The following CTNND2 variants were observed in gnomAD, a reference collection of about 807,000 sequenced individuals.
The protein encoded by CTNND2 is catenin delta-2.
A neutral mutation model predicts 144.4 loss-of-function variants in CTNND2; 22 were observed. That is an observed-to-expected ratio of 0.15 (90% confidence interval 0.11 to 0.22). CTNND2 has a LOEUF of 0.22. CTNND2 is among the 10% of genes least tolerant of loss of function. The pLI is 1.00. For missense variants in CTNND2, 1,353 were observed against 1,618.8 expected (o/e 0.84, Z 2.82); for synonymous variants, 751 against 695.6 (o/e 1.08, Z -1.25).
chr5:11,476,831 T>C (rs372605334), intron 3 of CTNND2, among the ~76,000 whole-genome samples: 13 of 152,210 alleles, frequency 8.5e-5, no homozygotes, highest in Admixed American at 5.2e-4. Flanking sequence ...GAAATCATGG[T>C]TGTGGGATTA....
intron 16 of CTNND2, among the ~76,000 whole-genome samples, chr5:11,069,661 G>C (rs1300082335): frequency 2.5e-5 from 1 of 40,144 alleles, no homozygotes; most frequent in Non-Finnish European, 5.0e-5. Flanking sequence ...GAGAGAGAGA[G>C]AGACAGACAG....
chr5:11,601,295 T>C (rs986060253), intron 2 of CTNND2, among the ~76,000 whole-genome samples: 2 of 152,210 alleles, frequency 1.3e-5, no homozygotes, highest in Admixed American at 1.3e-4. Flanking sequence ...TATGACCTAA[T>C]TGGAATGATC....
intron 3 of CTNND2, among the ~76,000 whole-genome samples, chr5:11,524,633 C>T (rs1268008639): frequency 1.3e-5 from 2 of 152,178 alleles, no homozygotes; most frequent in Non-Finnish European, 2.9e-5. Context: ...AGATAAGCTT[C>T]TGTCTGTTCC....
chr5:11,255,341 A>G lies in CTNND2; in HGVS notation c.1629-18518T>C, dbSNP rs908533358. On this transcript the variant is annotated intron_variant, in intron 9 of 21. Transcript: ENST00000304623. Reference sequence around the variant, plus strand: ...GGGCCTCCAGCTGTCTCTACACATCATTTCTGGAGAGCAGACTTTGCGCTG... The same window carrying G: ...GGGCCTCCAGCTGTCTCTACACATCGTTTCTGGAGAGCAGACTTTGCGCTG... Among the ~76,000 whole-genome samples the G allele has an allele frequency of 5.3e-5, 8 of 152,134 alleles. 1 individual carries two copies. Among genetic ancestry groups the G allele is most frequent in the African/African-American group, 1.9e-4 (8 of 41,428 alleles).
At chr5:11,146,571 G>T (rs146175390) in intron 12 of CTNND2, among the ~76,000 whole-genome samples, 1 of 152,292 alleles carries the variant, frequency 6.6e-6, no homozygotes, top group Non-Finnish European at 1.5e-5. Flanking sequence ...ATGATTAGAG[G>T]TATTAAAGAG....
In CTNND2 at chr5:11,769,995, T is replaced by A. The variant is rs115060405; in HGVS notation, c.38-37723A>T. On this transcript the variant is annotated intron_variant, in intron 1 of 21. Coordinates refer to ENST00000304623, the MANE Select transcript of CTNND2 (RefSeq NM_001332.4). ...TTTCTGTATATTTTCAGAAGTATAT[T>A]CTGGAAGAATTCAGGGGGAAAGTAT... Among the ~76,000 whole-genome samples, 602 of 152,314 alleles carry A rather than the reference T, an allele frequency of 4.0e-3. 4 individuals carry two copies. Among genetic ancestry groups the A allele is most frequent in the African/African-American group, 0.013 (560 of 41,570 alleles).
At chr5:11,806,856 T>C (rs1792032869) in intron 1 of CTNND2, among the ~76,000 whole-genome samples, 1 of 152,134 alleles carries the variant, frequency 6.6e-6, no homozygotes, top group African/African-American at 2.4e-5. Flanking sequence ...CTTGCTCCCA[T>C]AATTCCACTT....
At chr5:11,490,184 A>AT (rs1485394529) in intron 3 of CTNND2, among the ~76,000 whole-genome samples, 1 of 152,292 alleles carries the variant, frequency 6.6e-6, no homozygotes, top group African/African-American at 2.4e-5. Context: ...AGTCAATGAG[A>AT]TTTTTTAAAA....
intron 3 of CTNND2, among the ~76,000 whole-genome samples, chr5:11,501,166 A>G (rs1770488756): frequency 6.6e-6 from 1 of 152,264 alleles, no homozygotes; most frequent in Non-Finnish European, 1.5e-5. Context: ...ATATGGTTAC[A>G]AACACAGCTA....
intron 9 of CTNND2, among the ~76,000 whole-genome samples, chr5:11,289,057 C>T: frequency 6.6e-6 from 1 of 152,148 alleles, no homozygotes; most frequent in East Asian, 1.9e-4. Flanking sequence ...ATGTGGCCAT[C>T]TCCCTGTAAG....
At chr5:11,278,172 G>A (rs557515454) in intron 9 of CTNND2, among the ~76,000 whole-genome samples, 11 of 152,150 alleles carry the variant, frequency 7.2e-5, no homozygotes, top group East Asian at 3.9e-4. Context: ...CAAGGGACGC[G>A]CCAATCCAAT....
intron 3 of CTNND2, among the ~76,000 whole-genome samples, chr5:11,534,039 C>A (rs1773993449): frequency 6.6e-6 from 1 of 152,176 alleles, no homozygotes; most frequent in South Asian, 2.1e-4. Flanking sequence ...GTTTGTACTT[C>A]CCCTCACCAA....
chr5:11,126,020 G>A (rs555101649), intron 12 of CTNND2, among the ~76,000 whole-genome samples: 4 of 152,234 alleles, frequency 2.6e-5, no homozygotes, highest in Middle Eastern at 3.4e-3. Context: ...TAAATAGATC[G>A]GCTGGGCACA....
intron 11 of CTNND2, among the ~76,000 whole-genome samples, chr5:11,189,648 A>G (rs558209554): frequency 1.3e-5 from 2 of 152,316 alleles, no homozygotes; most frequent in Admixed American, 1.3e-4. Context: ...TGTTACTGGT[A>G]AGGTGTCCAG....
At chr5:11,240,221 C>T (rs1742107565) in intron 9 of CTNND2, among the ~76,000 whole-genome samples, 1 of 130,360 alleles carries the variant, frequency 7.7e-6, no homozygotes, top group Non-Finnish European at 1.6e-5. Context: ...AACACACACA[C>T]CCAACACACA....
intron 5 of CTNND2, among the ~76,000 whole-genome samples, chr5:11,409,847 T>A (rs1414976644): frequency 6.6e-6 from 1 of 152,132 alleles, no homozygotes; most frequent in Non-Finnish European, 1.5e-5. Flanking sequence ...TTTGAACTTT[T>A]ATTCTTTTCA....
chr5:11,691,259 T>G lies in CTNND2; in HGVS notation c.174+40877A>C, dbSNP rs868468262. 6.5e-4 allele frequency among the ~76,000 whole-genome samples: 99 copies of G among 151,936 alleles called. 2 individuals are homozygous for G. In the Middle Eastern group the frequency reaches 0.014, roughly 21 times the overall value. ...GGTGGTGGGTGCCTGTAGTCCCAGT[T>G]ACTCGGGAGGCTGAGGCAGAAGAAT... is the stretch of plus-strand genomic sequence containing the variant. On this transcript the variant is annotated intron_variant, in intron 2 of 21. Coordinates refer to ENST00000304623, the MANE Select transcript of CTNND2 (RefSeq NM_001332.4).
chr5:11,136,531 G>A (rs1231579300), intron 12 of CTNND2, among the ~76,000 whole-genome samples: 2 of 152,120 alleles, frequency 1.3e-5, no homozygotes, highest in Non-Finnish European at 2.9e-5. Context: ...TGCTTATGTT[G>A]TTATGCACCA....
chr5:11,236,957 T>C (rs1741705339), intron 9 of CTNND2, 134 bp from the exon 10 acceptor site: 5 of 881,844 alleles, frequency 5.7e-6, no homozygotes, highest in Non-Finnish European at 5.2e-6. Flanking sequence ...CTGGTTTTCT[T>C]ACATGCAGAC....
Sources: allele counts gnomAD v4.1 joint callset (sites outside exome capture counted in the v4.1 genomes callset), GRCh38; gene constraint gnomAD v4.1.1; transcripts MANE v1.5; gene names NCBI Gene and HGNC (gene_info 2026-07-23, HGNC 2026-07-21).